ALKBH8: variants seen among roughly 807,000 people sequenced by gnomAD.
ALKBH8 encodes alkB homolog 8, tRNA methyltransferase.
In ALKBH8, 36 loss-of-function variants were observed where a neutral mutation model predicts 59.8. The ratio of observed to expected loss-of-function variants is 0.60; its 90% CI spans 0.46 to 0.79. The LOEUF (loss-of-function observed/expected upper bound fraction) is 0.79. Ranked by LOEUF, ALKBH8 falls within the 30% of genes least tolerant of loss-of-function variation. The probability of loss-of-function intolerance (pLI) is 0.00; values close to 1 mark genes in which losing one functional copy is unlikely to be tolerated. For missense variants in ALKBH8, 768 were observed against 801.0 expected, an observed-to-expected ratio of 0.96 and a Z score of 0.50; for synonymous variants, 276 against 273.6, an observed-to-expected ratio of 1.01 and a Z score of -0.09.
intron 2 of ALKBH8, among the ~76,000 whole-genome samples, chr11:107,557,808 T>C (rs1302982805): frequency 6.6e-6 from 1 of 152,230 alleles, no homozygotes; most frequent in Non-Finnish European, 1.5e-5. Flanking sequence ...CTCTTATTTT[T>C]ATTCTGATGT....
chr11:107,518,168 T>C (rs1862947642), intron 10 of ALKBH8, among the ~76,000 whole-genome samples: 2 of 152,212 alleles, frequency 1.3e-5, no homozygotes, highest in African/African-American at 2.4e-5. Flanking sequence ...TATCAAATTA[T>C]TGCACATTCA....
chr11:107,556,988 T>C lies in ALKBH8; in HGVS notation c.145A>G (p.Asn49Asp), dbSNP rs1212235776. The C allele has an allele frequency of 6.3e-7, 1 of 1,585,084 alleles. No individual in the cohort carries two copies. ...CTCACACCATTACCCAAACCACCATTGGCAACAACCAGGCTCTTAAAAAAC... is the reference window on the plus strand; with the variant it reads ...CTCACACCATTACCCAAACCACCATCGGCAACAACCAGGCTCTTAAAAAAC... ...SYATQSLVVA[N>D]GGLGNGVSRN... is the part of the protein sequence containing the mutation. The change falls in exon 3 of 12, where the codon AAT becomes GAT. Residue 49 changes from asparagine to aspartate, a missense_variant. Transcript: ENST00000428149.
At chr11:107,565,162 C>T (rs1477637422) in intron 1 of ALKBH8, 2 of 177,406 alleles carry the variant, frequency 1.1e-5, no homozygotes, top group African/African-American at 4.7e-5. Flanking sequence ...CTGACGCTAC[C>T]AGAGGTCCAG....
chr11:107,555,480 A>T (rs1864669951), intron 3 of ALKBH8, among the ~76,000 whole-genome samples: 1 of 152,156 alleles, frequency 6.6e-6, no homozygotes, highest in Non-Finnish European at 1.5e-5. Context: ...ATTAAAACTT[A>T]CTCCTCAGCC....
At position 107,505,878 on chromosome 11, in the gene ALKBH8, A is replaced by G. The variant is rs142338349; in HGVS notation, c.1438-663T>C. On this transcript the variant is annotated intron_variant, in intron 11 of 11. Transcript: ENST00000428149. ...AGTGGCCTGAACAGATAGGGCTCAG[A>G]GTACAGGGAGGTCAAAGCAGCTGAG... Among the ~76,000 whole-genome samples the G allele has an allele frequency of 2.9e-3, 437 of 152,324 alleles. 1 individual carries two copies. The highest frequency in any genetic ancestry group is 9.6e-3 in the African/African-American group (401 of 41,572).
chr11:107,509,420 A>G lies in ALKBH8; in HGVS notation c.1437+1467T>C, dbSNP rs954429244. On this transcript the variant is annotated intron_variant, in intron 11 of 11. Transcript: ENST00000428149. ...ATATTAATTCCTTATCAGATATACA[A>G]TTTGCAAATATTTTCTCCTATTTTG... is the stretch of plus-strand genomic sequence containing the variant. Among the ~76,000 whole-genome samples, 4 of 152,202 alleles carry G rather than the reference A, an allele frequency of 2.6e-5. No homozygotes were observed. The South Asian group carries it at 8.3e-4, about 32-fold the overall frequency.
At chr11:107,553,666 AG>A (rs1193346532) in intron 4 of ALKBH8, among the ~76,000 whole-genome samples, 180 bp downstream of exon 4, 2 of 152,304 alleles carry the variant, frequency 1.3e-5, no homozygotes, top group African/African-American at 4.8e-5. Context: ...AAAATTTGAT[AG>A]CTATATAAAT....
At chr11:107,517,838 T>G (rs1183279383) in intron 10 of ALKBH8, among the ~76,000 whole-genome samples, 1 of 152,224 alleles carries the variant, frequency 6.6e-6, no homozygotes, top group Non-Finnish European at 1.5e-5. Flanking sequence ...ACAGATCTAC[T>G]GTACAACATG....
At position 107,559,331 on chromosome 11, in the gene ALKBH8, A is replaced by C. The variant is rs576642837; in HGVS notation, c.129+1434T>G. On this transcript the variant is annotated intron_variant, in intron 2 of 11. Coordinates refer to ENST00000428149, the MANE Select transcript of ALKBH8 (RefSeq NM_138775.3). ...CTCTCCCCTGGAAAGATAAAATATA[A>C]TTAGAGGTCCATCTACAATTTTATT... Among the ~76,000 whole-genome samples, 5 of 152,346 alleles carry C rather than the reference A, an allele frequency of 3.3e-5. No individual in the cohort carries two copies. The South Asian group carries it at 1.0e-3, about 32-fold the overall frequency.
intron 7 of ALKBH8, among the ~76,000 whole-genome samples, chr11:107,532,952 ATAAT>A (rs1189718608): frequency 2.6e-5 from 4 of 152,178 alleles, no homozygotes; most frequent in Admixed American, 1.3e-4. Context: ...TAGAATATTA[ATAAT>A]TAATAATCTA....
chr11:107,555,215 G>A (rs1864657993), intron 3 of ALKBH8, among the ~76,000 whole-genome samples: 2 of 152,082 alleles, frequency 1.3e-5, no homozygotes, highest in Admixed American at 6.6e-5. Flanking sequence ...AGCTGAGATC[G>A]TGCCACTGCA....
At chr11:107,553,738 G>T in intron 4 of ALKBH8, 109 bp downstream of exon 4, 1 of 1,196,616 alleles carries the variant, frequency 8.4e-7, no homozygotes, top group Non-Finnish European at 1.2e-6. Context: ...TTGGATCCGG[G>T]CTAGTTTCAG....
chr11:107,562,087 C>CA (rs2135597502), intron 1 of ALKBH8, among the ~76,000 whole-genome samples: 1 of 152,224 alleles, frequency 6.6e-6, no homozygotes, highest in Non-Finnish European at 1.5e-5. Context: ...CACTTGAGGT[C>CA]AGGAGTTCAA....
At chr11:107,550,560 G>A (rs1372147443) in intron 6 of ALKBH8, among the ~76,000 whole-genome samples, 1 of 152,124 alleles carries the variant, frequency 6.6e-6, no homozygotes, top group South Asian at 2.1e-4. Context: ...CTACAGGAAC[G>A]GCCTCTGCTT....
At chr11:107,536,475 A>G (rs1863819522) in intron 7 of ALKBH8, among the ~76,000 whole-genome samples, 1 of 152,196 alleles carries the variant, frequency 6.6e-6, no homozygotes, top group Admixed American at 6.5e-5. Flanking sequence ...GATTAATGCA[A>G]TAAGCCAAAA....
chr11:107,556,447 A>G (rs773814776), intron 3 of ALKBH8, among the ~76,000 whole-genome samples: 6 of 152,178 alleles, frequency 3.9e-5, no homozygotes, highest in Non-Finnish European at 8.8e-5. Flanking sequence ...TAAACTAGTA[A>G]TGCAAACCCT....
At position 107,504,595 on chromosome 11, in the gene ALKBH8, T is replaced by G. The variant is rs1862296714; in HGVS notation, c.*63A>C. 1.3e-6 allele frequency: 2 copies of G among 1,517,600 alleles called. No individual in the cohort carries two copies. The highest frequency in any genetic ancestry group is 1.4e-5 in the African/African-American group (1 of 71,346). The allele number at this position is 1,517,600 out of a possible 1,614,324, so 94.0% of individuals were successfully genotyped here. On this transcript the variant is annotated 3_prime_UTR_variant, in exon 12 of 12. Transcript: ENST00000428149. ...CTCTTTAATTAAAAGGGTAATTAAT[T>G]TATTCTCTCTTTTTTTTTAAGTGAG... is the stretch of plus-strand genomic sequence containing the variant.
intron 10 of ALKBH8, among the ~76,000 whole-genome samples, chr11:107,514,258 G>C (rs982417411): frequency 1.3e-5 from 2 of 151,858 alleles, no homozygotes; most frequent in African/African-American, 4.8e-5. Flanking sequence ...GGAAGAAAAA[G>C]ATCTTAAAAT....
intron 7 of ALKBH8, among the ~76,000 whole-genome samples, chr11:107,539,905 C>G (rs1863969616): frequency 6.6e-6 from 1 of 152,160 alleles, no homozygotes. Flanking sequence ...TGTTCTGAAG[C>G]CAGCGGCAAT....
Sources: gnomAD v4.1 joint callset for allele counts (sites outside exome capture counted in the v4.1 genomes callset) on GRCh38, gnomAD v4.1.1 for gene constraint, MANE v1.5 for transcripts, NCBI Gene and HGNC (gene_info 2026-07-23, HGNC 2026-07-21) for gene names.